Variants in SEC24B observed in about 807,000 individuals in gnomAD.
SEC24B encodes SEC24 homolog B, COPII component.
A neutral mutation model predicts 142.8 loss-of-function variants in SEC24B; 45 were observed. The observed-to-expected ratio is 0.32, with a 90% CI of 0.25 to 0.40. The LOEUF (loss-of-function observed/expected upper bound fraction) is 0.40, where lower values mean the gene tolerates loss of function less well. Ranked by LOEUF, SEC24B falls within the 10% of genes least tolerant of loss-of-function variation. The pLI, the probability that SEC24B is intolerant of heterozygous loss-of-function variation, is 1.00. For synonymous variants in SEC24B, 574 were observed against 568.2 expected (o/e 1.01, Z -0.15); for missense variants, 1,409 against 1,526.8 (o/e 0.92, Z 1.29).
intron 2 of SEC24B, among the ~76,000 whole-genome samples, chr4:109,470,375 G>A (rs1487015421): frequency 6.6e-6 from 1 of 152,182 alleles, no homozygotes; most frequent in African/African-American, 2.4e-5. Flanking sequence ...CACATGAGGT[G>A]TTGCTAGTCT....
At position 109,524,860 on chromosome 4, in the gene SEC24B, C is replaced by T. The variant is rs202092664; in HGVS notation, c.2551C>T (p.Leu851Phe). The T allele has an allele frequency of 2.0e-4, 324 of 1,612,290 alleles. No individual in the cohort carries two copies. Among genetic ancestry groups the T allele is most frequent in the Non-Finnish European group, 2.5e-4 (300 of 1,179,034 alleles). Reference protein sequence around the residue: ...LGPATDFYKKLALDCSGQQTA... With the variant: ...LGPATDFYKKFALDCSGQQTA... The stretch of plus-strand genomic sequence containing the variant: ...CCCTGCAACTGATTTTTATAAGAAA[C>T]TTGCATTAGATTGCTCGGGACAGCA... Residue 851 changes from leucine (L) to phenylalanine (F), a missense_variant, in exon 15 of 24, where the codon CTT becomes TTT. Physicochemically the swap from Leu to Phe is conservative, Grantham distance 22 (BLOSUM62 0). Around this residue, in one of 2 missense-constraint regions of SEC24B, gnomAD observed 700 missense variants for 853.3 expected, o/e 0.82. Transcript: ENST00000265175.
At chr4:109,514,882 C>G (rs1737763450) in intron 10 of SEC24B, among the ~76,000 whole-genome samples, 1 of 152,090 alleles carries the variant, frequency 6.6e-6, no homozygotes, top group African/African-American at 2.4e-5. Flanking sequence ...GGCATATGCC[C>G]ACCTAACTAC....
intron 4 of SEC24B, among the ~76,000 whole-genome samples, chr4:109,484,461 T>A (rs1167831145): frequency 1.3e-5 from 2 of 152,206 alleles, no homozygotes; most frequent in Non-Finnish European, 2.9e-5. Context: ...TTACTGTTTT[T>A]CCCTGTTAAA....
chr4:109,459,762 G>A (rs563314904), intron 1 of SEC24B, among the ~76,000 whole-genome samples: 5 of 152,166 alleles, frequency 3.3e-5, no homozygotes, highest in East Asian at 1.9e-4. Context: ...ATTATTTCTC[G>A]TTTCAGATCA....
intron 6 of SEC24B, among the ~76,000 whole-genome samples, chr4:109,496,033 A>G (rs900663443): frequency 1.3e-5 from 2 of 152,164 alleles, no homozygotes; most frequent in African/African-American, 4.8e-5. Context: ...AACTGATATG[A>G]TATTTATACA....
chr4:109,464,838 T>C (rs1396437660), intron 2 of SEC24B, among the ~76,000 whole-genome samples: 1 of 152,246 alleles, frequency 6.6e-6, no homozygotes, highest in African/African-American at 2.4e-5. Flanking sequence ...CGTTTAGAAA[T>C]GCTTTCAGAT....
chr4:109,507,328 G>T (rs1736798765), intron 7 of SEC24B, among the ~76,000 whole-genome samples: 1 of 149,254 alleles, frequency 6.7e-6, no homozygotes. Context: ...AGGCTGGAGT[G>T]CAGTGGCCCG....
chr4:109,538,826 GGCTGCAGTGCAGGGGT>G (rs1209538242), intron 23 of SEC24B, among the ~76,000 whole-genome samples: 1 of 151,894 alleles, frequency 6.6e-6, no homozygotes, highest in Non-Finnish European at 1.5e-5. Flanking sequence ...CTGTCACTCA[GGCTGCAGTGCAGGGGT>G]GCTGCTATCA....
At chr4:109,509,366 T>G (rs975187007) in intron 7 of SEC24B, among the ~76,000 whole-genome samples, 1 of 152,172 alleles carries the variant, frequency 6.6e-6, no homozygotes, top group African/African-American at 2.4e-5. Context: ...CTTTGTTTAT[T>G]GACTTTAAAA....
intron 1 of SEC24B, among the ~76,000 whole-genome samples, chr4:109,455,394 GCATGCA>G (rs1199567637): frequency 6.6e-6 from 1 of 151,980 alleles, no homozygotes; most frequent in South Asian, 2.1e-4. Context: ...GAGATTTCAG[GCATGCA>G]CCACCATGCC....
chr4:109,481,558 C>A, intron 3 of SEC24B, 119 bp from the exon 4 acceptor site: 1 of 659,028 alleles, frequency 1.5e-6, no homozygotes, highest in Non-Finnish European at 2.7e-6. Flanking sequence ...TATTAATATG[C>A]ATGTTGGGAT....
chr4:109,530,522 C>T (rs9994676), intron 19 of SEC24B, 58 bp downstream of exon 19: 262,250 of 1,354,562 alleles, frequency 0.19, 36,948 homozygotes, highest in African/African-American at 0.73. Flanking sequence ...CAGATATGTA[C>T]ATGAAGAAAG....
intron 1 of SEC24B, among the ~76,000 whole-genome samples, chr4:109,460,958 T>TA (rs1415678344): frequency 6.6e-6 from 1 of 151,824 alleles, no homozygotes; most frequent in Non-Finnish European, 1.5e-5. Context: ...CTGTCAAGCA[T>TA]AAAAAAAGAA....
chr4:109,535,319 C>T (rs943942768), intron 22 of SEC24B, among the ~76,000 whole-genome samples: 3 of 151,978 alleles, frequency 2.0e-5, no homozygotes, highest in African/African-American at 4.8e-5. Context: ...TTTGGGAAGC[C>T]TAGGTGGGTG....
chr4:109,514,322 C>T (rs1737692517), intron 10 of SEC24B, among the ~76,000 whole-genome samples: 1 of 152,092 alleles, frequency 6.6e-6, no homozygotes. Flanking sequence ...AGATCTCATT[C>T]TTCTTTTCAC....
rs561607622 is a variant in SEC24B, at chr4:109,461,078, A to G, written c.134-1823A>G. On this transcript the variant is annotated intron_variant, in intron 1 of 23. Coordinates refer to ENST00000265175, the MANE Select transcript of SEC24B (RefSeq NM_006323.5). ...GCACATAACATTAGGCTAATTTTCT[A>G]CTGTGTGAGAACAGCTAGAAATCAT... Among the ~76,000 whole-genome samples, 327 of 152,276 alleles carry G rather than the reference A, an allele frequency of 2.1e-3. 1 individual carries two copies. The highest frequency in any genetic ancestry group is 3.9e-3 in the Admixed American group (60 of 15,304).
At chr4:109,483,872 A>G (rs1167535121) in intron 4 of SEC24B, among the ~76,000 whole-genome samples, 2 of 152,158 alleles carry the variant, frequency 1.3e-5, no homozygotes, top group Non-Finnish European at 2.9e-5. Flanking sequence ...ACCCAGATAA[A>G]CCATTTTTGC....
rs777778221 is a variant in SEC24B at position 109,526,357 on chromosome 4, T to G, written c.2923T>G (p.Leu975Val). 48 of 1,613,784 alleles carry G rather than the reference T, an allele frequency of 3.0e-5. No individual in the cohort carries two copies. The highest frequency in any genetic ancestry group is 4.0e-5 in the Non-Finnish European group (47 of 1,179,788). ...SIEESLTDTSLVCFQTALLYT... is the reference protein window; with the variant it reads ...SIEESLTDTSVVCFQTALLYT... ...TGAAGAAAGTTTAACAGATACTTCC[T>G]TAGTATGTTTTCAAACAGCCCTATT... Residue 975 changes from leucine (L) to valine (V), a missense_variant, in exon 17 of 24, where the codon TTA (leucine) becomes GTA (valine). Transcript: ENST00000265175.
chr4:109,483,056 TTATATATA>T (rs1271937576), intron 4 of SEC24B, among the ~76,000 whole-genome samples: 1 of 97,936 alleles, frequency 1.0e-5, no homozygotes, highest in East Asian at 2.4e-4. Flanking sequence ...ATTTATGTAT[TTATATATA>T]TATATATATG....
Sources: gnomAD v4.1 joint callset for allele counts (sites outside exome capture counted in the v4.1 genomes callset) on GRCh38, gnomAD v4.1.1 for gene constraint, gnomAD v4.1.1 regional missense constraint, MANE v1.5 for transcripts, NCBI Gene and HGNC (gene_info 2026-07-23, HGNC 2026-07-21) for gene names.